The following LCOR variants were observed in gnomAD, a reference collection of about 807,000 sequenced individuals.
LCOR encodes ligand-dependent corepressor.
LCOR carries 14 observed loss-of-function variants against 64.4 expected under a neutral mutation model. That is an observed-to-expected ratio of 0.22 (90% CI 0.14 to 0.34). The LOEUF (loss-of-function observed/expected upper bound fraction) is 0.34, where lower values mean the gene tolerates loss of function less well. Among genes scored for constraint, LCOR ranks in the 10% least tolerant of loss-of-function variants. The pLI is 1.00. For synonymous variants in LCOR, 643 were observed against 642.5 expected (o/e 1.00, Z -0.01); for missense variants, 1,686 against 1,765.3 (o/e 0.96, Z 0.80).
chr10:96,905,514 G>T (rs376344289), intron 2 of LCOR, among the ~76,000 whole-genome samples: 6 of 152,144 alleles, frequency 3.9e-5, no homozygotes, highest in African/African-American at 1.4e-4. Flanking sequence ...AAGTCAGATC[G>T]TTCTGAAAAT....
intron 2 of LCOR, among the ~76,000 whole-genome samples, chr10:96,882,124 T>C (rs1052155635): frequency 3.3e-5 from 5 of 152,182 alleles, no homozygotes; most frequent in African/African-American, 4.8e-5. Context: ...CTTAACATGT[T>C]AAACAACATA....
chr10:96,845,033 A>G (rs187560286), intron 2 of LCOR, among the ~76,000 whole-genome samples: 83 of 152,292 alleles, frequency 5.5e-4, no homozygotes, highest in African/African-American at 1.9e-3. Flanking sequence ...AGCTGGCAAT[A>G]TTTTAAATTG....
intron 5 of LCOR, among the ~76,000 whole-genome samples, chr10:96,948,005 C>A (rs1300048169): frequency 6.6e-6 from 1 of 152,132 alleles, no homozygotes. Flanking sequence ...ACAGTCTCAG[C>A]TCTTGAGAAG....
intron 2 of LCOR, among the ~76,000 whole-genome samples, chr10:96,891,733 A>T (rs1054019809): frequency 2.6e-5 from 4 of 151,648 alleles, no homozygotes; most frequent in African/African-American, 7.3e-5. Flanking sequence ...AGTTAGAGAC[A>T]GGTTTTTACC....
At chr10:96,855,354 G>C (rs946099550) in intron 2 of LCOR, among the ~76,000 whole-genome samples, 2 of 152,066 alleles carry the variant, frequency 1.3e-5, no homozygotes, top group Non-Finnish European at 2.9e-5. Flanking sequence ...TACCTTTTTT[G>C]CTCAAGCCCA....
intron 2 of LCOR, among the ~76,000 whole-genome samples, chr10:96,891,450 T>A (rs1452566137): frequency 6.8e-6 from 1 of 147,908 alleles, no homozygotes; most frequent in Non-Finnish European, 1.5e-5. Context: ...TTCCGAGAAA[T>A]TTTGGGTTCA....
chr10:96,978,216 T>C (rs1054291748), intron 7 of LCOR, among the ~76,000 whole-genome samples: 1 of 152,220 alleles, frequency 6.6e-6, no homozygotes, highest in African/African-American at 2.4e-5. Context: ...TGAGCTCCTT[T>C]GTACATCTCA....
At chr10:96,943,439 A>G (rs990510939) in intron 4 of LCOR, among the ~76,000 whole-genome samples, 2 of 152,226 alleles carry the variant, frequency 1.3e-5, no homozygotes, top group Non-Finnish European at 2.9e-5. Flanking sequence ...ACATAGATGT[A>G]TTGTAACAAA....
In LCOR at chr10:96,957,031, G is replaced by GA. The variant is rs552084255; in HGVS notation, c.332+4842dup. 65 of 984,992 alleles carry GA rather than the reference G, an allele frequency of 6.6e-5. No homozygotes were observed. The South Asian group carries it at 1.3e-3, about 20-fold the overall frequency. The allele number at this position is 984,992 out of a possible 1,614,324, so 61.0% of individuals were successfully genotyped here. A position where few individuals can be genotyped will look rare whatever the true frequency, so the allele number is the denominator to read the frequency against. On this transcript the variant is annotated intron_variant, in intron 7 of 7. Coordinates refer to ENST00000421806, the MANE Select transcript of LCOR (RefSeq NM_001346516.2). ...TGAAGGATCCATGTTTGTAGTGAGAGAAAAAAACCCCAAGGTAACCCGATA... is the reference window on the plus strand; with the variant it reads ...TGAAGGATCCATGTTTGTAGTGAGAGAAAAAAAACCCCAAGGTAACCCGATA...
chr10:96,966,855 C>A (rs567923712), intron 7 of LCOR, among the ~76,000 whole-genome samples: 3 of 152,210 alleles, frequency 2.0e-5, no homozygotes, highest in African/African-American at 7.2e-5. Context: ...CCCACCTCAG[C>A]CTCCTGAGTA....
chr10:96,941,148 G>A (rs1267277198), intron 4 of LCOR, among the ~76,000 whole-genome samples: 17 of 124,406 alleles, frequency 1.4e-4, no homozygotes, highest in African/African-American at 3.3e-4. Context: ...GGGCAGAGGC[G>A]CCCCTCACCT....
At position 96,889,085 on chromosome 10, in the gene LCOR, A is replaced by T. The variant is rs538576760; in HGVS notation, c.-329-18180A>T. Among the ~76,000 whole-genome samples, 206 of 152,340 alleles carry T rather than the reference A, an allele frequency of 1.4e-3. 1 individual carries two copies. Among genetic ancestry groups the T allele is most frequent in the Non-Finnish European group, 2.1e-3 (146 of 68,028 alleles). On this transcript the variant is annotated intron_variant, in intron 2 of 7. Coordinates refer to ENST00000421806, the MANE Select transcript of LCOR (RefSeq NM_001346516.2). ...ATATTCAAAGTGTTGTACAACCATT[A>T]CCACTATCTAATTGTATAGCATTTT... is the stretch of plus-strand genomic sequence containing the variant.
rs1845350963 is a variant in LCOR, at chr10:96,832,416, A to ACCG, written c.-404+26_-404+28dup. 1.0e-6 allele frequency: 1 copy of ACCG among 960,966 alleles called. No homozygotes were observed. Among genetic ancestry groups the ACCG allele is most frequent in the Non-Finnish European group, 1.2e-6 (1 of 807,654 alleles). 59.5% of individuals were successfully genotyped at this position (960,966 alleles called of 1,614,324 possible). On this transcript the variant is annotated intron_variant, in intron 1 of 7. Coordinates refer to ENST00000421806, the MANE Select transcript of LCOR (RefSeq NM_001346516.2). Reference sequence around the variant, plus strand: ...ACTGTGTAGGTGAGACCCTCCGCCGACCGCCGCCGCCCCTCCGGCCGCCCC... The same window carrying ACCG: ...ACTGTGTAGGTGAGACCCTCCGCCGACCGCCGCCGCCGCCCCTCCGGCCGCCCC...
intron 7 of LCOR, 141 bp downstream of exon 7, chr10:96,952,337 TATA>T (rs1423934677): frequency 5.0e-6 from 3 of 596,366 alleles, no homozygotes; most frequent in Non-Finnish European, 8.8e-6. Context: ...CAAATAAAAA[TATA>T]ATCTGTGCAA....
At chr10:96,927,205 T>C (rs1318127626) in intron 4 of LCOR, among the ~76,000 whole-genome samples, 1 of 152,162 alleles carries the variant, frequency 6.6e-6, no homozygotes, top group East Asian at 1.9e-4. Context: ...CATAAGCCAT[T>C]CTAGTGGGTG....
intron 2 of LCOR, among the ~76,000 whole-genome samples, chr10:96,849,027 TGAGACAGA>T (rs1845680694): frequency 7.4e-6 from 1 of 134,838 alleles, no homozygotes. Context: ...TTTTTTTTTT[TGAGACAGA>T]TCCTCTCTGT....
Position 96,982,672 on chromosome 10 carries a change from A to C in LCOR, c.2212A>C (p.Thr738Pro). ...SISAEVESGD[T>P]QELNVDPLLK... ...CAGTGCTGAGGTTGAGTCTGGAGAC[A>C]CCCAGGAGCTAAATGTCGACCCACT... Residue 738 changes from threonine to proline, a missense_variant, in exon 8 of 8, where the codon ACC becomes CCC. By Grantham distance (38) the Thr-to-Pro change is conservative. This residue lies in a region of LCOR where 1,293 missense variants were observed against 1,410.4 expected (regional missense o/e 0.92). Coordinates refer to ENST00000421806, the MANE Select transcript of LCOR (RefSeq NM_001346516.2). 1 of 1,614,158 alleles carries C rather than the reference A, an allele frequency of 6.2e-7. No individual in the cohort carries two copies. Among genetic ancestry groups the C allele is most frequent in the Non-Finnish European group, 8.5e-7 (1 of 1,180,038 alleles).
chr10:96,848,975 T>A (rs1242753291), intron 2 of LCOR, among the ~76,000 whole-genome samples: 1 of 150,736 alleles, frequency 6.6e-6, no homozygotes, highest in Non-Finnish European at 1.5e-5. Context: ...AGAAACTGAA[T>A]TAATTTTTAA....
chr10:96,901,777 G>A lies in LCOR; in HGVS notation c.-329-5488G>A, dbSNP rs775448372. Among the ~76,000 whole-genome samples, 4 of 151,670 alleles carry A rather than the reference G, an allele frequency of 2.6e-5. No individual in the cohort carries two copies. In the East Asian group the frequency reaches 5.8e-4, roughly 22 times the overall value. ...CCATCCGTTCCTCCATCTGTCCATC[G>A]GTCCACCTTCTTTCAATGGTCTCGC... On this transcript the variant is annotated intron_variant, in intron 2 of 7. Transcript: ENST00000421806.
Sources: allele counts gnomAD v4.1 joint callset (sites outside exome capture counted in the v4.1 genomes callset), GRCh38; gene constraint gnomAD v4.1.1; regional missense constraint gnomAD v4.1.1; transcripts MANE v1.5; gene names NCBI Gene and HGNC (gene_info 2026-07-23, HGNC 2026-07-21).